The following GIPR variants were observed in gnomAD, a reference collection of about 807,000 sequenced individuals.
GIPR encodes GIP-R.
In GIPR, 74 loss-of-function variants were observed where a neutral mutation model predicts 62.2. That is an observed-to-expected ratio of 1.19 (90% confidence interval 0.99 to 1.44). The LOEUF (loss-of-function observed/expected upper bound fraction) is 1.44, where lower values mean the gene tolerates loss of function less well. Among genes scored for constraint, GIPR ranks in the 40% most tolerant of loss-of-function variants. The pLI, the probability that GIPR is intolerant of heterozygous loss-of-function variation, is 0.00. For missense variants in GIPR, 664 were observed against 611.8 expected (o/e 1.09, Z -0.90); for synonymous variants, 256 against 262.2 (o/e 0.98, Z 0.23).
At chr19:45,673,969 A>T in intron 5 of GIPR, 105 bp from the exon 6 acceptor site, 1 of 790,808 alleles carries the variant, frequency 1.3e-6, no homozygotes, top group Non-Finnish European at 2.3e-6. Flanking sequence ...CCAAGATAAA[A>T]TAGGGTATTT....
At chr19:45,675,749 A>T (rs934307340) in intron 7 of GIPR, among the ~76,000 whole-genome samples, 5 of 151,700 alleles carry the variant, frequency 3.3e-5, no homozygotes, top group African/African-American at 9.7e-5. Context: ...TTAGCCAGGC[A>T]TGGCGGCCCT....
chr19:45,669,201 C>G (rs573574038), intron 1 of GIPR, among the ~76,000 whole-genome samples: 2 of 152,176 alleles, frequency 1.3e-5, no homozygotes, highest in South Asian at 2.1e-4. Flanking sequence ...GCAAACACCC[C>G]CCCCTTCCAC....
chr19:45,671,047 T>C (rs1434742273), intron 3 of GIPR, among the ~76,000 whole-genome samples: 1 of 143,120 alleles, frequency 7.0e-6, no homozygotes, highest in Admixed American at 7.0e-5. Context: ...ACTTGTTTGG[T>C]GGGAGGAGCC....
At chr19:45,680,906 T>C (rs529381933) in intron 12 of GIPR, among the ~76,000 whole-genome samples, 3 of 150,886 alleles carry the variant, frequency 2.0e-5, no homozygotes, top group Non-Finnish European at 4.4e-5. Context: ...TCACAACTAC[T>C]ACTATATTAC....
intron 5 of GIPR, 41 bp from the exon 6 acceptor site, chr19:45,674,033 C>G (rs755443584): frequency 1.7e-6 from 2 of 1,194,334 alleles, no homozygotes; most frequent in South Asian, 1.2e-5. Context: ...CCTGGGGCTT[C>G]GAGCCAAGCC....
In GIPR at chr19:45,682,459, T is replaced by C. The variant is rs1351027679; in HGVS notation, c.*524T>C. 4 of 153,570 alleles carry C rather than the reference T, an allele frequency of 2.6e-5. No individual in the cohort carries two copies. The highest frequency in any genetic ancestry group is 9.7e-5 in the African/African-American group (4 of 41,414). The allele number at this position is 153,570 out of a possible 1,614,324, so 9.5% of individuals were successfully genotyped here. ...TATTTTATTTTTTAAAAAATGAGGA[T>C]GTCACTCTTACCCAGGTTGGTCTTG... On this transcript the variant is annotated 3_prime_UTR_variant, in exon 14 of 14. Coordinates refer to ENST00000590918, the MANE Select transcript of GIPR (RefSeq NM_000164.4).
chr19:45,676,426 A>AT (rs869190523), intron 7 of GIPR, among the ~76,000 whole-genome samples: 27,190 of 73,430 alleles, frequency 0.37, 7,402 homozygotes, highest in Non-Finnish European at 0.44. Flanking sequence ...AAAGAAGCTG[A>AT]TTTTTTTTTT....
chr19:45,672,849 A>G lies in GIPR; in HGVS notation c.281-2A>G. 1 of 1,591,628 alleles carries G rather than the reference A, an allele frequency of 6.3e-7. No individual in the cohort carries two copies. ...TTAATTCCCTCTCTTCTTTCCCCAC[A>G]GTGGCTGCAGGTTTCGTCCTCCGCC... On this transcript the variant is annotated splice_acceptor_variant, in intron 4 of 13. Transcript: ENST00000590918. LOFTEE classifies it high-confidence loss of function.
chr19:45,674,696 C>G lies in GIPR; in HGVS notation c.503C>G (p.Thr168Ser), dbSNP rs1470786853. 6.2e-7 allele frequency: 1 copy of G among 1,614,040 alleles called. No individual in the cohort carries two copies. The highest frequency in any genetic ancestry group is 1.7e-5 in the Admixed American group (1 of 59,992). ...AATTCCCCTAGGCGGCTACATTGCA[C>G]TAGAAACTATATCCACATCAACCTG... ...ILSLFRRLHC[T>S]RNYIHINLFT... The change falls in exon 7 of 14, where the codon ACT becomes AGT. Residue 168 changes from threonine to serine, a missense_variant. Transcript: ENST00000590918.
chr19:45,675,096 A>T, intron 7 of GIPR: 1 of 447,782 alleles, frequency 2.2e-6, no homozygotes, highest in South Asian at 2.3e-5. Flanking sequence ...CCCATCATTG[A>T]ACTTTTTCAC....
At chr19:45,673,789 TG>T (rs1050730693) in intron 5 of GIPR, among the ~76,000 whole-genome samples, 1 of 149,624 alleles carries the variant, frequency 6.7e-6, no homozygotes, top group Non-Finnish European at 1.5e-5. Flanking sequence ...GCTTGGGCCC[TG>T]GGGGGCGAGG....
intron 1 of GIPR, 114 bp from the exon 2 acceptor site, chr19:45,669,363 C>T (rs1975417630): frequency 9.6e-7 from 1 of 1,037,454 alleles, no homozygotes; most frequent in African/African-American, 1.6e-5. Context: ...CTCGGAGTCC[C>T]GCGTGTATAC....
At chr19:45,670,942 T>C (rs1453482224) in intron 3 of GIPR, among the ~76,000 whole-genome samples, 1 of 136,470 alleles carries the variant, frequency 7.3e-6, no homozygotes, top group African/African-American at 2.8e-5. Context: ...GGAGGAGCCT[T>C]GGGCGGGGCC....
intron 4 of GIPR, among the ~76,000 whole-genome samples, chr19:45,672,161 C>T (rs1044780479): frequency 3.3e-5 from 5 of 151,758 alleles, no homozygotes; most frequent in Non-Finnish European, 5.9e-5. Context: ...TACAGGCGCA[C>T]GCTAACACAC....
intron 7 of GIPR, chr19:45,675,043 A>G (rs1827661864): frequency 1.7e-6 from 1 of 590,858 alleles, no homozygotes; most frequent in Non-Finnish European, 3.1e-6. Context: ...CCAGCCTATC[A>G]CTCCCATACT....
chr19:45,669,723 A>G, intron 2 of GIPR, 131 bp downstream of exon 2: 6 of 1,254,968 alleles, frequency 4.8e-6, no homozygotes, highest in Non-Finnish European at 6.5e-6. Context: ...AAGCGGGTGG[A>G]TCACTTGAGG....
rs778756249 is a variant in GIPR at position 45,674,740 on chromosome 19, C to T, written c.547C>T (p.Arg183Ter). The T allele has an allele frequency of 6.2e-6, 10 of 1,613,808 alleles. No individual in the cohort carries two copies. Among genetic ancestry groups the T allele is most frequent in the East Asian group, 4.5e-5 (2 of 44,880 alleles). Residue 183 changes from arginine to a stop codon, truncating the protein, a stop_gained, in exon 7 of 14, where the codon CGA becomes TGA. Transcript: ENST00000590918. LOFTEE classifies it high-confidence loss of function. ...CAACCTGTTCACGTCTTTCATGCTG[C>T]GAGCTGCGGCCATTCTCAGCCGAGA... ...HINLFTSFML[R>*]AAAILSRDRL...
In GIPR at chr19:45,682,106, C is replaced by G. The variant is rs1215371384; in HGVS notation, c.*171C>G. ...AAAACAGACCGTGAACACAAAACAT[C>G]AAGTTCCACACACGCTATGGAATGG... On this transcript the variant is annotated 3_prime_UTR_variant, in exon 14 of 14. Coordinates refer to ENST00000590918, the MANE Select transcript of GIPR (RefSeq NM_000164.4). The G allele has an allele frequency of 7.7e-6, 5 of 652,264 alleles. No individual in the cohort carries two copies. Among genetic ancestry groups the G allele is most frequent in the Non-Finnish European group, 1.4e-5 (5 of 362,338 alleles). The allele number at this position is 652,264 out of a possible 1,614,324, so 40.4% of individuals were successfully genotyped here.
intron 12 of GIPR, among the ~76,000 whole-genome samples, chr19:45,679,026 C>T (rs539544993): frequency 6.6e-6 from 1 of 152,318 alleles, no homozygotes; most frequent in South Asian, 2.1e-4. Flanking sequence ...GGGGAAAATA[C>T]TAGTCTCAGT....
Sources: allele counts gnomAD v4.1 joint callset (sites outside exome capture counted in the v4.1 genomes callset), GRCh38; gene constraint gnomAD v4.1.1; transcripts MANE v1.5; gene names NCBI Gene and HGNC (gene_info 2026-07-23, HGNC 2026-07-21).